The following MYO3A variants were observed in gnomAD, a reference collection of about 807,000 sequenced individuals.
MYO3A encodes myosin-IIIa.
In MYO3A, 180 loss-of-function variants were observed where a neutral mutation model predicts 192.7. The observed-to-expected ratio is 0.93, with a 90% CI of 0.83 to 1.06. The LOEUF (loss-of-function observed/expected upper bound fraction) is 1.06. Among genes scored for constraint, MYO3A ranks in the 50% least tolerant of loss-of-function variants. The pLI is 0.00. For synonymous variants in MYO3A, 628 were observed against 645.3 expected, an observed-to-expected ratio of 0.97 and a Z score of 0.41; for missense variants, 1,896 against 1,905.0, an observed-to-expected ratio of 1.00 and a Z score of 0.09.
At chr10:26,046,250 A>G (rs1285144465) in intron 10 of MYO3A, among the ~76,000 whole-genome samples, 1 of 152,140 alleles carries the variant, frequency 6.6e-6, no homozygotes, top group East Asian at 1.9e-4. Context: ...ATCTGATACT[A>G]TCTCCAGGTA....
intron 17 of MYO3A, among the ~76,000 whole-genome samples, chr10:26,115,580 G>GA (rs1207394080): frequency 6.6e-6 from 1 of 151,900 alleles, no homozygotes; most frequent in African/African-American, 2.4e-5. Context: ...TATAAGAATA[G>GA]AAAAAAATCT....
intron 30 of MYO3A, 36 bp downstream of exon 30, chr10:26,174,593 T>C (rs775114440): frequency 1.9e-6 from 3 of 1,545,886 alleles, no homozygotes; most frequent in East Asian, 2.3e-5. Context: ...CTAATAAAAG[T>C]CCCTGGGAAC....
Position 26,122,179 on chromosome 10 carries a change from G to A in MYO3A, c.1903+1377G>A, listed in dbSNP as rs963592155. 4.6e-5 allele frequency among the ~76,000 whole-genome samples: 7 copies of A among 152,264 alleles called. 1 individual carries two copies. Among genetic ancestry groups the A allele is most frequent in the African/African-American group, 9.6e-5 (4 of 41,532 alleles). ...ATGGAATGAGTTGCAATAGAGATAGGTTGTAGATAAGAGTATACCTAGAAA... is the reference window on the plus strand; with the variant it reads ...ATGGAATGAGTTGCAATAGAGATAGATTGTAGATAAGAGTATACCTAGAAA... On this transcript the variant is annotated intron_variant, in intron 18 of 34. Coordinates refer to ENST00000642920, the MANE Select transcript of MYO3A (RefSeq NM_017433.5).
chr10:26,010,652 C>T (rs1005923981), intron 6 of MYO3A, among the ~76,000 whole-genome samples: 5 of 151,904 alleles, frequency 3.3e-5, no homozygotes, highest in African/African-American at 7.2e-5. Context: ...TTAGTAGAGA[C>T]GAGGTTTCAC....
At chr10:26,207,997 T>C (rs1327330973) in intron 34 of MYO3A, among the ~76,000 whole-genome samples, 1 of 152,242 alleles carries the variant, frequency 6.6e-6, no homozygotes. Flanking sequence ...ACCTCCTTGA[T>C]TAAATTTATT....
At chr10:26,170,050 C>T (rs1423903863) in intron 28 of MYO3A, among the ~76,000 whole-genome samples, 1 of 152,168 alleles carries the variant, frequency 6.6e-6, no homozygotes, top group African/African-American at 2.4e-5. Flanking sequence ...CTCAAATATA[C>T]AATCTGATCA....
intron 17 of MYO3A, among the ~76,000 whole-genome samples, chr10:26,098,939 T>A (rs1390658754): frequency 1.3e-5 from 2 of 152,210 alleles, no homozygotes; most frequent in African/African-American, 4.8e-5. Flanking sequence ...TTTTTTCCAA[T>A]TCTGTGAAGA....
intron 19 of MYO3A, among the ~76,000 whole-genome samples, chr10:26,126,355 T>A (rs1377103646): frequency 6.6e-6 from 1 of 152,188 alleles, no homozygotes; most frequent in Non-Finnish European, 1.5e-5. Context: ...TCACACTTGC[T>A]TACTAAGCAT....
chr10:25,943,058 T>C (rs149953769), intron 2 of MYO3A, among the ~76,000 whole-genome samples: 2 of 152,142 alleles, frequency 1.3e-5, no homozygotes, highest in East Asian at 1.9e-4. Context: ...TGTTTTCTTC[T>C]AAGTGTTTTA....
chr10:25,955,339 C>T (rs1453825498), intron 4 of MYO3A, among the ~76,000 whole-genome samples: 2 of 152,040 alleles, frequency 1.3e-5, no homozygotes, highest in African/African-American at 2.4e-5. Flanking sequence ...TGTGATAAGC[C>T]TCTGTGCCAG....
At chr10:26,185,466 A>C (rs1399597829) in intron 31 of MYO3A, among the ~76,000 whole-genome samples, 1 of 148,670 alleles carries the variant, frequency 6.7e-6, no homozygotes, top group Non-Finnish European at 1.5e-5. Context: ...CAGCCTCCCT[A>C]GTAGCTGGGA....
At chr10:26,001,599 C>T (rs1840822136) in intron 6 of MYO3A, among the ~76,000 whole-genome samples, 1 of 151,382 alleles carries the variant, frequency 6.6e-6, no homozygotes, top group African/African-American at 2.5e-5. Flanking sequence ...GGGCACCTAG[C>T]GGCTAGGCAG....
Position 26,070,371 on chromosome 10 carries a change from T to A in MYO3A, c.1329T>A (p.Leu443=), listed in dbSNP as rs1208962026. 2.5e-6 allele frequency: 4 copies of A among 1,613,330 alleles called. No homozygotes were observed. The highest frequency in any genetic ancestry group is 3.4e-6 in the Non-Finnish European group (4 of 1,179,486). ...SGAGKTENAH[L]LVQQLTVLGK... ...CTGGAAAGACTGAAAATGCTCATCTTTTAGTTCAGCAGCTGACAGTGCTTG... is the reference window on the plus strand; with the variant it reads ...CTGGAAAGACTGAAAATGCTCATCTATTAGTTCAGCAGCTGACAGTGCTTG... Residue 443 remains leucine, a synonymous_variant, in exon 14 of 35, where the codon CTT becomes CTA. Coordinates refer to ENST00000642920, the MANE Select transcript of MYO3A (RefSeq NM_017433.5).
chr10:26,056,088 G>C (rs1429615693), intron 10 of MYO3A, among the ~76,000 whole-genome samples: 1 of 152,218 alleles, frequency 6.6e-6, no homozygotes, highest in Non-Finnish European at 1.5e-5. Flanking sequence ...AAAGGCTCTA[G>C]TGGATGAAGT....
At chr10:26,043,287 C>T (rs1843456147) in intron 10 of MYO3A, among the ~76,000 whole-genome samples, 1 of 152,066 alleles carries the variant, frequency 6.6e-6, no homozygotes, top group African/African-American at 2.4e-5. Flanking sequence ...GTGTCTTGCC[C>T]CATGCCCACT....
At chr10:26,200,910 A>G (rs1316683751) in intron 32 of MYO3A, 1 of 153,780 alleles carries the variant, frequency 6.5e-6, no homozygotes, top group Non-Finnish European at 1.4e-5. Context: ...TTCCATCACA[A>G]CTGCATTTGT....
rs17751928 is a variant in MYO3A at position 26,091,802 on chromosome 10, T to C, written c.1562+3397T>C. Among the ~76,000 whole-genome samples the C allele has an allele frequency of 3.0e-3, 460 of 152,354 alleles. 11 individuals carry two copies. The highest frequency in any genetic ancestry group is 0.022 in the East Asian group (115 of 5,186). On this transcript the variant is annotated intron_variant, in intron 15 of 34. Transcript: ENST00000642920. Reference sequence around the variant, plus strand: ...AAGCTGGCAATGACTGAGTTGGAGTTTGAAGCCTCATCCTTCTGTCTGACT... The same window carrying C: ...AAGCTGGCAATGACTGAGTTGGAGTCTGAAGCCTCATCCTTCTGTCTGACT...
rs780494851 is a variant in MYO3A, at chr10:26,128,557, T to A, written c.2262+19T>A. On this transcript the variant is annotated intron_variant, in intron 20 of 34. Transcript: ENST00000642920. The stretch of plus-strand genomic sequence containing the variant: ...GGAACAGGTAAGTCTAAGTACTTAC[T>A]ATAAATATGCATGCATGCATGTATT... 6.3e-7 allele frequency: 1 copy of A among 1,593,528 alleles called. No individual in the cohort carries two copies. The highest frequency in any genetic ancestry group is 8.6e-7 in the Non-Finnish European group (1 of 1,163,962).
At chr10:26,008,149 A>G (rs1841364210) in intron 6 of MYO3A, among the ~76,000 whole-genome samples, 2 of 148,160 alleles carry the variant, frequency 1.3e-5, no homozygotes, top group Non-Finnish European at 3.0e-5. Flanking sequence ...TCCCTATTTA[A>G]TAAATGGTGT....
Sources: gnomAD v4.1 joint callset for allele counts (sites outside exome capture counted in the v4.1 genomes callset) on GRCh38, gnomAD v4.1.1 for gene constraint, MANE v1.5 for transcripts, NCBI Gene and HGNC (gene_info 2026-07-23, HGNC 2026-07-21) for gene names.